INPP4B: variants seen among roughly 807,000 people sequenced by gnomAD.
INPP4B encodes the protein inositol polyphosphate 4-phosphatase type II.
A neutral mutation model predicts 122.5 loss-of-function variants in INPP4B; 55 were observed. The ratio of observed to expected loss-of-function variants is 0.45; its 90% confidence interval spans 0.36 to 0.56. The LOEUF (loss-of-function observed/expected upper bound fraction) is 0.56. Among genes scored for constraint, INPP4B ranks in the 20% least tolerant of loss-of-function variants. The pLI is 0.00. For missense variants in INPP4B, 1,000 were observed against 1,097.7 expected, an observed-to-expected ratio of 0.91 and a Z score of 1.26; for synonymous variants, 403 against 388.7, an observed-to-expected ratio of 1.04 and a Z score of -0.43.
At chr4:142,402,835 C>A in intron 7 of INPP4B, 103 bp downstream of exon 7, 1 of 733,438 alleles carries the variant, frequency 1.4e-6, no homozygotes, top group Non-Finnish European at 2.5e-6. Context: ...ATCATGAACA[C>A]GGTGCAAATA....
intron 25 of INPP4B, among the ~76,000 whole-genome samples, chr4:142,076,692 G>T (rs907763914): frequency 6.6e-6 from 1 of 151,956 alleles, no homozygotes; most frequent in African/African-American, 2.4e-5. Context: ...GTATACATAT[G>T]TAACAAACCT....
intron 14 of INPP4B, among the ~76,000 whole-genome samples, chr4:142,201,473 C>T (rs1353757654): frequency 6.6e-6 from 1 of 151,966 alleles, no homozygotes; most frequent in East Asian, 1.9e-4. Context: ...CAATGTGAAA[C>T]AGCATGGTTT....
chr4:142,102,669 T>C (rs1194462115), intron 23 of INPP4B, among the ~76,000 whole-genome samples: 4 of 152,048 alleles, frequency 2.6e-5, no homozygotes, highest in Admixed American at 1.3e-4. Context: ...CAACCAGGTA[T>C]GGCAGATATT....
chr4:142,811,123 A>G (rs1012006286), intron 1 of INPP4B, among the ~76,000 whole-genome samples: 1 of 152,222 alleles, frequency 6.6e-6, no homozygotes, highest in Non-Finnish European at 1.5e-5. Context: ...TTGCTGCAGC[A>G]GTAGAGGCTG....
rs531012345 is a variant in INPP4B at position 142,791,272 on chromosome 4, G to A, written c.-254+54937C>T. 2.0e-5 allele frequency among the ~76,000 whole-genome samples: 3 copies of A among 152,154 alleles called. No individual in the cohort carries two copies. The East Asian group carries it at 5.8e-4, about 29-fold the overall frequency. ...CAGAAATTTACTGCTGTGTGTAAAG[G>A]GACTGTTAAATATTGCTGTTCTATA... On this transcript the variant is annotated intron_variant, in intron 1 of 25. Transcript: ENST00000262992.
intron 3 of INPP4B, among the ~76,000 whole-genome samples, chr4:142,433,008 C>G (rs912646116): frequency 6.6e-6 from 1 of 152,120 alleles, no homozygotes; most frequent in African/African-American, 2.4e-5. Flanking sequence ...AGCATACTAT[C>G]CATGCAAAAC....
At chr4:142,608,454 T>C (rs1039628534) in intron 2 of INPP4B, among the ~76,000 whole-genome samples, 1 of 152,154 alleles carries the variant, frequency 6.6e-6, no homozygotes, top group Non-Finnish European at 1.5e-5. Flanking sequence ...GAGTTTTCTA[T>C]AGCTTCTAAC....
chr4:142,503,879 T>C (rs900029381), intron 2 of INPP4B, among the ~76,000 whole-genome samples: 1 of 152,126 alleles, frequency 6.6e-6, no homozygotes, highest in Non-Finnish European at 1.5e-5. Context: ...TAAATAAATA[T>C]GCTGGCACAA....
At chr4:142,186,726 C>T (rs1833352343) in intron 15 of INPP4B, among the ~76,000 whole-genome samples, 1 of 152,074 alleles carries the variant, frequency 6.6e-6, no homozygotes, top group Admixed American at 6.6e-5. Context: ...TATACAGCTA[C>T]AATGAAAATA....
intron 11 of INPP4B, among the ~76,000 whole-genome samples, chr4:142,258,770 T>A (rs1012172088): frequency 6.6e-6 from 1 of 152,128 alleles, no homozygotes; most frequent in African/African-American, 2.4e-5. Flanking sequence ...TGTAAACTAG[T>A]TCAATCATTG....
intron 25 of INPP4B, among the ~76,000 whole-genome samples, chr4:142,045,278 C>T (rs1172669504): frequency 6.6e-6 from 1 of 152,084 alleles, no homozygotes; most frequent in Admixed American, 6.6e-5. Flanking sequence ...AAACACAACG[C>T]TACTAATTAG....
At chr4:142,313,996 T>C (rs1176164466) in intron 8 of INPP4B, among the ~76,000 whole-genome samples, 1 of 152,194 alleles carries the variant, frequency 6.6e-6, no homozygotes, top group African/African-American at 2.4e-5. Flanking sequence ...CAAGTACCTG[T>C]AGGATTTCAG....
chr4:142,592,906 G>C (rs1737821254), intron 2 of INPP4B, among the ~76,000 whole-genome samples: 1 of 151,998 alleles, frequency 6.6e-6, no homozygotes, highest in Admixed American at 6.6e-5. Context: ...TTCAAGACCA[G>C]CCTGGGCAAC....
chr4:142,439,099 C>A (rs2149427156), intron 3 of INPP4B, among the ~76,000 whole-genome samples: 1 of 152,260 alleles, frequency 6.6e-6, no homozygotes, highest in Middle Eastern at 3.4e-3. Context: ...CTGCAGAATA[C>A]TCCAAGGTCC....
chr4:142,451,955 C>T (rs1814347380), intron 3 of INPP4B, among the ~76,000 whole-genome samples: 1 of 152,106 alleles, frequency 6.6e-6, no homozygotes, highest in Non-Finnish European at 1.5e-5. Flanking sequence ...GCCCAACGTG[C>T]AGGTCTGATA....
At chr4:142,842,056 C>T (rs1384240506) in intron 1 of INPP4B, among the ~76,000 whole-genome samples, 2 of 151,846 alleles carry the variant, frequency 1.3e-5, no homozygotes, top group East Asian at 3.9e-4. Context: ...CCTTCATTCC[C>T]TTGAATATTA....
chr4:142,408,479 A>T (rs546927928), intron 5 of INPP4B, among the ~76,000 whole-genome samples: 1 of 152,170 alleles, frequency 6.6e-6, no homozygotes, highest in East Asian at 1.9e-4. Flanking sequence ...CTTGAACCCC[A>T]GGGGCGGAGG....
intron 2 of INPP4B, among the ~76,000 whole-genome samples, chr4:142,622,509 T>C (rs1337875716): frequency 1.3e-5 from 2 of 151,952 alleles, no homozygotes; most frequent in Non-Finnish European, 2.9e-5. Flanking sequence ...TGCACTTCAG[T>C]CCTTCTAAAT....
In INPP4B at chr4:142,485,804, A is replaced by G. The variant is rs1821127713; in HGVS notation, c.-190-23078T>C. Among the ~76,000 whole-genome samples the G allele has an allele frequency of 2.0e-5, 3 of 152,188 alleles. No individual in the cohort carries two copies. In the South Asian group the frequency reaches 6.2e-4, roughly 32 times the overall value. ...ACACGCATAAACTAGTGTTCTCATTATACAAATTACCTCCCACATACACCC... is the reference window on the plus strand; with the variant it reads ...ACACGCATAAACTAGTGTTCTCATTGTACAAATTACCTCCCACATACACCC... On this transcript the variant is annotated intron_variant, in intron 2 of 25. Coordinates refer to ENST00000262992, the MANE Select transcript of INPP4B (RefSeq NM_001101669.3).
Sources: gnomAD v4.1 joint callset for allele counts (sites outside exome capture counted in the v4.1 genomes callset) on GRCh38, gnomAD v4.1.1 for gene constraint, MANE v1.5 for transcripts, NCBI Gene and HGNC (gene_info 2026-07-23, HGNC 2026-07-21) for gene names.